TBL1XR1: variants seen among roughly 807,000 people sequenced by gnomAD.
TBL1XR1 encodes the protein TBL1X/Y related 1.
In TBL1XR1, 5 loss-of-function variants were observed where a neutral mutation model predicts 66.9. The ratio of observed to expected loss-of-function variants is 0.07; its 90% CI spans 0.04 to 0.16. The LOEUF is 0.16. Ranked by LOEUF, TBL1XR1 falls within the 10% of genes least tolerant of loss-of-function variation. TBL1XR1 has a pLI of 1.00. For synonymous variants in TBL1XR1, 210 were observed against 206.0 expected (o/e 1.02, Z -0.17); for missense variants, 238 against 623.2 (o/e 0.38, Z 6.58).
intron 2 of TBL1XR1, among the ~76,000 whole-genome samples, chr3:177,067,953 A>C (rs556743211): frequency 6.6e-6 from 1 of 152,350 alleles, no homozygotes; most frequent in East Asian, 1.9e-4. Context: ...GTACACAAGA[A>C]GACTTACCAC....
intron 1 of TBL1XR1, among the ~76,000 whole-genome samples, chr3:177,135,837 G>GTT (rs201460982): frequency 6.7e-6 from 1 of 148,204 alleles, no homozygotes; most frequent in African/African-American, 2.5e-5. Flanking sequence ...GTGGAAGGCT[G>GTT]TTTTTTTTTT....
At chr3:177,128,984 T>C (rs1011863914) in intron 1 of TBL1XR1, among the ~76,000 whole-genome samples, 9 of 152,164 alleles carry the variant, frequency 5.9e-5, no homozygotes, top group African/African-American at 2.2e-4. Flanking sequence ...CTTCTATAAC[T>C]CCACTTACAC....
intron 9 of TBL1XR1, among the ~76,000 whole-genome samples, chr3:177,047,075 C>G (rs955856127): frequency 6.6e-5 from 10 of 152,118 alleles, no homozygotes; most frequent in Non-Finnish European, 1.2e-4. Context: ...GTTTATGGTT[C>G]AAATTCCAGG....
intron 1 of TBL1XR1, among the ~76,000 whole-genome samples, chr3:177,124,972 G>A (rs867516106): frequency 2.0e-5 from 3 of 151,914 alleles, no homozygotes; most frequent in African/African-American, 7.2e-5. Flanking sequence ...GAAACACTTA[G>A]AAGAAAACAT....
At chr3:177,072,499 T>A (rs1485819294) in intron 2 of TBL1XR1, among the ~76,000 whole-genome samples, 3 of 151,782 alleles carry the variant, frequency 2.0e-5, no homozygotes, top group African/African-American at 7.3e-5. Context: ...CCCTGAAGAA[T>A]ATCCTTGAAT....
At chr3:177,127,689 A>G (rs568835778) in intron 1 of TBL1XR1, among the ~76,000 whole-genome samples, 1 of 152,308 alleles carries the variant, frequency 6.6e-6, no homozygotes, top group African/African-American at 2.4e-5. Flanking sequence ...GTTAGAAGAG[A>G]CAAGGAAGAA....
At chr3:177,162,349 TG>T (rs1732318922) in intron 1 of TBL1XR1, among the ~76,000 whole-genome samples, 1 of 152,196 alleles carries the variant, frequency 6.6e-6, no homozygotes, top group South Asian at 2.1e-4. Flanking sequence ...AGATACTGAC[TG>T]GAAGAATGGA....
chr3:177,110,371 C>T (rs903257407), intron 1 of TBL1XR1, among the ~76,000 whole-genome samples: 1 of 152,190 alleles, frequency 6.6e-6, no homozygotes, highest in Non-Finnish European at 1.5e-5. Flanking sequence ...TTGTAAATAT[C>T]CAGCAAAGCT....
At chr3:177,121,965 A>G (rs188270703) in intron 1 of TBL1XR1, among the ~76,000 whole-genome samples, 1 of 152,316 alleles carries the variant, frequency 6.6e-6, no homozygotes. Flanking sequence ...ACAATGCAAG[A>G]GCAACCCTCA....
chr3:177,164,089 A>C (rs1732536380), intron 1 of TBL1XR1: 1 of 152,218 alleles, frequency 6.6e-6, no homozygotes, highest in Non-Finnish European at 1.5e-5. Flanking sequence ...GCCCTTCTTA[A>C]CACCAACCGT....
intron 15 of TBL1XR1, 36 bp from the exon 16 acceptor site, chr3:177,025,560 G>A (rs545306977): frequency 6.3e-7 from 1 of 1,589,732 alleles, no homozygotes; most frequent in South Asian, 1.1e-5. Context: ...AGTGTATTCA[G>A]AATTTTATTG....
chr3:177,145,924 A>C (rs1730184147), intron 1 of TBL1XR1, among the ~76,000 whole-genome samples: 1 of 152,216 alleles, frequency 6.6e-6, no homozygotes, highest in Non-Finnish European at 1.5e-5. Flanking sequence ...TCTGATGGAG[A>C]TCCCAGGAGC....
intron 1 of TBL1XR1, among the ~76,000 whole-genome samples, chr3:177,193,216 A>T (rs1368159416): frequency 6.6e-6 from 1 of 152,106 alleles, no homozygotes; most frequent in East Asian, 1.9e-4. Context: ...TACTACCCCA[A>T]CATCACAGCT....
intron 2 of TBL1XR1, among the ~76,000 whole-genome samples, chr3:177,073,078 A>C (rs1028382733): frequency 3.3e-5 from 5 of 152,222 alleles, no homozygotes; most frequent in Non-Finnish European, 5.9e-5. Context: ...AAAAGAAAAA[A>C]AATACATTAG....
intron 9 of TBL1XR1, 105 bp from the exon 10 acceptor site, chr3:177,046,294 G>A (rs1210200258): frequency 2.3e-5 from 19 of 811,442 alleles, no homozygotes; most frequent in Non-Finnish European, 3.5e-5. Flanking sequence ...TGTCAGAGTG[G>A]ATTTAATTTT....
intron 3 of TBL1XR1, among the ~76,000 whole-genome samples, chr3:177,061,301 T>C (rs1718485463): frequency 6.6e-6 from 1 of 152,178 alleles, no homozygotes; most frequent in Admixed American, 6.5e-5. Flanking sequence ...TTTCAACAGA[T>C]AGTATCTTAT....
In TBL1XR1 at chr3:177,024,713, G is replaced by GAAAAAAAAAAAAAAAAAA. The variant is rs148659524; in HGVS notation, c.*784_*785insTTTTTTTTTTTTTTTTTT. Reference sequence around the variant, plus strand: ...AGCCACATCACCAAAAAACAAAAAAGAAAAAAAAAAAAAAAAAGCAAAACA... The same window carrying GAAAAAAAAAAAAAAAAAA: ...AGCCACATCACCAAAAAACAAAAAAGAAAAAAAAAAAAAAAAAAAAAAAAAAAAAAAAAAAGCAAAACA... On this transcript the variant is annotated 3_prime_UTR_variant, in exon 16 of 16. Transcript: ENST00000457928. 2 of 85,370 alleles carry GAAAAAAAAAAAAAAAAAA rather than the reference G, an allele frequency of 2.3e-5. No homozygotes were observed. The highest frequency in any genetic ancestry group is 1.3e-4 in the Admixed American group (1 of 7,890). The allele number at this position is 85,370 out of a possible 1,614,324, so 5.3% of individuals were successfully genotyped here. A position where few individuals can be genotyped will look rare whatever the true frequency, so the allele number is the denominator to read the frequency against.
At chr3:177,119,021 G>A (rs1440157284) in intron 1 of TBL1XR1, among the ~76,000 whole-genome samples, 6 of 152,066 alleles carry the variant, frequency 3.9e-5, no homozygotes, top group Non-Finnish European at 7.4e-5. Context: ...CCCCAGGCTG[G>A]AGTGCAGTGG....
intron 1 of TBL1XR1, among the ~76,000 whole-genome samples, chr3:177,154,077 A>C (rs1731215368): frequency 6.6e-6 from 1 of 151,972 alleles, no homozygotes; most frequent in African/African-American, 2.4e-5. Context: ...GTTAAATGCA[A>C]ATTATCTAAA....
Sources: gnomAD v4.1 joint callset for allele counts (sites outside exome capture counted in the v4.1 genomes callset) on GRCh38, gnomAD v4.1.1 for gene constraint, MANE v1.5 for transcripts, NCBI Gene and HGNC (gene_info 2026-07-23, HGNC 2026-07-21) for gene names.